The following NECTIN1 variants were observed in gnomAD, a reference collection of about 807,000 sequenced individuals.
The protein encoded by NECTIN1 is nectin cell adhesion molecule 1, also known as nectin-1.
A neutral mutation model predicts 48.0 loss-of-function variants in NECTIN1; 23 were observed. The ratio of observed to expected loss-of-function variants is 0.48; its 90% CI spans 0.34 to 0.68. NECTIN1 has a LOEUF of 0.68. NECTIN1 is among the 30% of genes least tolerant of loss of function. The probability of loss-of-function intolerance (pLI) is 0.01; values close to 1 mark genes in which losing one functional copy is unlikely to be tolerated. For synonymous variants in NECTIN1, 270 were observed against 288.9 expected (o/e 0.93, Z 0.66); for missense variants, 591 against 709.9 (o/e 0.83, Z 1.90).
rs529924994 is a variant in NECTIN1 at position 119,683,157 on chromosome 11, C to T, written c.80-4392G>A. Among the ~76,000 whole-genome samples, 1 of 152,178 alleles carries T rather than the reference C, an allele frequency of 6.6e-6. No homozygotes were observed. The highest frequency in any genetic ancestry group is 1.5e-5 in the Non-Finnish European group (1 of 68,030). On this transcript the variant is annotated intron_variant, in intron 1 of 5. Coordinates refer to ENST00000264025, the MANE Select transcript of NECTIN1 (RefSeq NM_002855.5). The surrounding 1 kb of genome is among the most constrained non-coding windows in gnomAD (Gnocchi z 4.0). ...GATTCCCTAAGCAGTCAGGGCTGGTCCACAGAACACATCCTGTCTCCTTTC... is the reference window on the plus strand; with the variant it reads ...GATTCCCTAAGCAGTCAGGGCTGGTTCACAGAACACATCCTGTCTCCTTTC...
chr11:119,678,181 G>T lies in NECTIN1; in HGVS notation c.430+234C>A. ...TGCTGCTGCCAGCACAGTGCCTTGT[G>T]GGCTTCAACCTGAAGAATCACGTTC... On this transcript the variant is annotated intron_variant, in intron 2 of 5. Transcript: ENST00000264025. This position sits in a 1 kb window ranked among gnomAD's most constrained non-coding sequence, Gnocchi z 4.4. 6.6e-6 allele frequency among the ~76,000 whole-genome samples: 1 copy of T among 152,166 alleles called. No homozygotes were observed. Among genetic ancestry groups the T allele is most frequent in the East Asian group, 1.9e-4 (1 of 5,194 alleles).
chr11:119,722,803 G>A (rs1374314948), intron 1 of NECTIN1, among the ~76,000 whole-genome samples: 1 of 152,196 alleles, frequency 6.6e-6, no homozygotes, highest in East Asian at 1.9e-4. Flanking sequence ...GACTCAGAGG[G>A]GCCAGGACCA....
Position 119,638,224 on chromosome 11 carries a change from C to A in NECTIN1, c.1251G>T (p.Arg417Ser). 2 of 1,614,088 alleles carry A rather than the reference C, an allele frequency of 1.2e-6. 1 individual carries two copies. The highest frequency in any genetic ancestry group is 1.7e-6 in the Non-Finnish European group (2 of 1,179,998). The change falls in exon 8 of 8, where the codon AGG becomes AGT. Residue 417 changes from arginine (R) to serine (S), a missense_variant. Physicochemically the swap from Arg to Ser is moderately radical, Grantham distance 110. Transcript: ENST00000341398. Reference sequence around the variant, plus strand: ...AGTCCTCCTCTTCTTGCTGCTGCTGCCTCCCTGGGTCCAGGTGGACAACCT... The same window carrying A: ...AGTCCTCCTCTTCTTGCTGCTGCTGACTCCCTGGGTCCAGGTGGACAACCT...
chr11:119,691,371 C>G (rs188041674), intron 1 of NECTIN1, among the ~76,000 whole-genome samples: 1 of 152,368 alleles, frequency 6.6e-6, no homozygotes, highest in African/African-American at 2.4e-5. Flanking sequence ...TCACAGTTTT[C>G]TTTCCACCTG....
At chr11:119,713,032 G>A (rs11217420) in intron 1 of NECTIN1, 20,885 of 152,280 alleles carry the variant, frequency 0.14, 1,609 homozygotes, top group Admixed American at 0.22. Flanking sequence ...TGGGTGGGGC[G>A]GGTGGCACCG....
chr11:119,725,032 G>T (rs1419541165), intron 1 of NECTIN1, among the ~76,000 whole-genome samples: 2 of 152,172 alleles, frequency 1.3e-5, no homozygotes, highest in African/African-American at 4.8e-5. Flanking sequence ...ACCAGGAAGA[G>T]ATACAATCGG....
chr11:119,647,367 G>A (rs1235139398), intron 5 of NECTIN1, among the ~76,000 whole-genome samples: 2 of 151,996 alleles, frequency 1.3e-5, no homozygotes, highest in Non-Finnish European at 2.9e-5. Flanking sequence ...TTGTCATTAG[G>A]AGTAAGAAGG....
At chr11:119,639,559 C>T in intron 6 of NECTIN1, 1 of 475,120 alleles carries the variant, frequency 2.1e-6, no homozygotes, top group South Asian at 2.1e-5. Context: ...TTTAACCTCT[C>T]TGTGCCTCAG....
At chr11:119,692,095 G>T (rs1262822808) in intron 1 of NECTIN1, among the ~76,000 whole-genome samples, 1 of 70,304 alleles carries the variant, frequency 1.4e-5, no homozygotes, top group African/African-American at 6.2e-5. Context: ...TTCGAGAGTG[G>T]GGTCTTTCCC....
intron 5 of NECTIN1, 46 bp downstream of exon 5, chr11:119,675,113 A>C (rs1239179006): frequency 6.2e-7 from 1 of 1,612,032 alleles, no homozygotes. Flanking sequence ...CAGGTGGCGA[A>C]GGAACCCGTG....
At chr11:119,696,723 T>C (rs1865346784) in intron 1 of NECTIN1, among the ~76,000 whole-genome samples, 1 of 152,158 alleles carries the variant, frequency 6.6e-6, no homozygotes, top group Admixed American at 6.5e-5. Context: ...GGGTGGGAAT[T>C]GCACAGGGTT....
At chr11:119,668,915 G>A (rs983670620) in intron 5 of NECTIN1, among the ~76,000 whole-genome samples, 4 of 152,206 alleles carry the variant, frequency 2.6e-5, no homozygotes, top group Admixed American at 2.6e-4. Context: ...TCAGTGTGTT[G>A]CAGTAGTCTA....
intron 5 of NECTIN1, among the ~76,000 whole-genome samples, chr11:119,666,419 G>A (rs1864771665): frequency 1.3e-5 from 2 of 152,254 alleles, no homozygotes; most frequent in Admixed American, 1.3e-4. Flanking sequence ...GTGCCAGTGG[G>A]GCCGGGCCAC....
intron 5 of NECTIN1, among the ~76,000 whole-genome samples, chr11:119,644,963 A>C (rs370918729): frequency 2.6e-3 from 397 of 152,304 alleles, no homozygotes; most frequent in Non-Finnish European, 2.9e-3. Context: ...GGACACAGAC[A>C]CTACCTTTCT....
Position 119,663,822 on chromosome 11 carries a change from T to C in NECTIN1, c.*925A>G. 1.0e-6 allele frequency: 1 copy of C among 985,568 alleles called. No homozygotes were observed. Among genetic ancestry groups the C allele is most frequent in the Non-Finnish European group, 1.2e-6 (1 of 830,028 alleles). 61.1% of individuals were successfully genotyped at this position (985,568 alleles called of 1,614,324 possible). A position where few individuals can be genotyped will look rare whatever the true frequency, so the allele number is the denominator to read the frequency against. On this transcript the variant is annotated 3_prime_UTR_variant, in exon 6 of 6. Transcript: ENST00000264025. The stretch of plus-strand genomic sequence containing the variant: ...TCTCAGCTGTCTCTGGAAGCTTCTA[T>C]AGGCAGACCCCATTCTCAGCTTAAA...
chr11:119,648,063 CAAAAA>C (rs55695982), intron 5 of NECTIN1, among the ~76,000 whole-genome samples: 249 of 43,006 alleles, frequency 5.8e-3, no homozygotes, highest in African/African-American at 0.016. Flanking sequence ...GACACCGTCT[CAAAAA>C]AAAAAAAAAA....
chr11:119,704,913 C>A (rs1447112311), intron 1 of NECTIN1, among the ~76,000 whole-genome samples: 1 of 152,254 alleles, frequency 6.6e-6, no homozygotes, highest in Non-Finnish European at 1.5e-5. Context: ...GGCCCTGCCA[C>A]TTACATGTGG....
At chr11:119,725,203 G>T (rs1227973415) in intron 1 of NECTIN1, among the ~76,000 whole-genome samples, 1 of 152,198 alleles carries the variant, frequency 6.6e-6, no homozygotes, top group Non-Finnish European at 1.5e-5. Context: ...CAGCACTAGG[G>T]TTCTGGCCGG....
intron 5 of NECTIN1, among the ~76,000 whole-genome samples, chr11:119,650,835 A>C (rs968332047): frequency 4.6e-5 from 7 of 152,150 alleles, no homozygotes; most frequent in Non-Finnish European, 7.4e-5. Context: ...AGTATGTTGA[A>C]CACTGCCTGG....
Sources: allele counts gnomAD v4.1 joint callset (sites outside exome capture counted in the v4.1 genomes callset), GRCh38; gene constraint gnomAD v4.1.1; non-coding constraint Gnocchi (gnomAD v3.1); transcripts MANE v1.5; gene names NCBI Gene and HGNC (gene_info 2026-07-23, HGNC 2026-07-21).